Variants in NDST3 observed in about 807,000 individuals in gnomAD.
NDST3 encodes the protein N-deacetylase and N-sulfotransferase 3, also known as bifunctional heparan sulfate N-deacetylase/N-sulfotransferase 3.
NDST3 carries 58 observed loss-of-function variants against 96.1 expected under a neutral mutation model. The ratio of observed to expected loss-of-function variants is 0.60; its 90% confidence interval spans 0.49 to 0.75. The LOEUF (loss-of-function observed/expected upper bound fraction) is 0.75, where lower values mean the gene tolerates loss of function less well. Ranked by LOEUF, NDST3 falls within the 30% of genes least tolerant of loss-of-function variation. NDST3 has a pLI of 0.00. For synonymous variants in NDST3, 333 were observed against 359.7 expected, an observed-to-expected ratio of 0.93 and a Z score of 0.84; for missense variants, 788 against 1,034.2, an observed-to-expected ratio of 0.76 and a Z score of 3.27.
intron 2 of NDST3, among the ~76,000 whole-genome samples, chr4:118,067,556 T>G (rs1052180904): frequency 1.3e-5 from 2 of 152,126 alleles, no homozygotes; most frequent in African/African-American, 4.8e-5. Context: ...TAATTAGTAC[T>G]CAGTCACCAT....
chr4:118,197,956 C>G (rs763201132), intron 6 of NDST3, among the ~76,000 whole-genome samples: 4 of 151,808 alleles, frequency 2.6e-5, no homozygotes, highest in African/African-American at 9.7e-5. Flanking sequence ...CACACCACCA[C>G]GCCCAGCTAA....
At chr4:118,209,826 T>C (rs563531777) in intron 6 of NDST3, among the ~76,000 whole-genome samples, 4 of 152,298 alleles carry the variant, frequency 2.6e-5, no homozygotes, top group African/African-American at 9.6e-5. Context: ...TATTCTGCAA[T>C]TGAGCTTTCC....
intron 12 of NDST3, among the ~76,000 whole-genome samples, chr4:118,244,496 T>A (rs990397846): frequency 6.6e-6 from 1 of 152,180 alleles, no homozygotes; most frequent in Non-Finnish European, 1.5e-5. Context: ...TTAAAATTTT[T>A]TTTTTCTCAT....
At chr4:118,117,329 T>C (rs1003226341) in intron 4 of NDST3, among the ~76,000 whole-genome samples, 1 of 152,038 alleles carries the variant, frequency 6.6e-6, no homozygotes. Flanking sequence ...TATCATTATA[T>C]CTAGTATCAC....
intron 6 of NDST3, among the ~76,000 whole-genome samples, chr4:118,170,410 T>C (rs1735857570): frequency 1.3e-5 from 2 of 152,018 alleles, no homozygotes; most frequent in African/African-American, 4.8e-5. Context: ...TTCAGCAAAA[T>C]AAAAAATAAA....
chr4:118,129,360 T>G (rs1328229854), intron 4 of NDST3, among the ~76,000 whole-genome samples: 1 of 152,044 alleles, frequency 6.6e-6, no homozygotes, highest in Non-Finnish European at 1.5e-5. Flanking sequence ...TTTTGCTGTA[T>G]CCCATAGGTT....
At chr4:118,146,754 A>G (rs1049636928) in intron 6 of NDST3, among the ~76,000 whole-genome samples, 1 of 152,148 alleles carries the variant, frequency 6.6e-6, no homozygotes. Flanking sequence ...GGCCTGGACA[A>G]CTCTCACGTA....
At chr4:118,098,650 A>G (rs947874225) in intron 2 of NDST3, among the ~76,000 whole-genome samples, 9 of 152,088 alleles carry the variant, frequency 5.9e-5, no homozygotes, top group Non-Finnish European at 1.2e-4. Context: ...AGATTGCTCT[A>G]TAACTCTTTT....
chr4:118,084,565 C>A (rs1190617656), intron 2 of NDST3, among the ~76,000 whole-genome samples: 1 of 152,114 alleles, frequency 6.6e-6, no homozygotes, highest in Non-Finnish European at 1.5e-5. Context: ...GAAATGCAAG[C>A]ATGACCTCTG....
chr4:118,154,857 A>C (rs889590744), intron 6 of NDST3, among the ~76,000 whole-genome samples: 1 of 152,150 alleles, frequency 6.6e-6, no homozygotes, highest in African/African-American at 2.4e-5. Context: ...CCTTCTTAAT[A>C]TGAGTCAGTG....
At chr4:118,191,321 G>A (rs1255309256) in intron 6 of NDST3, among the ~76,000 whole-genome samples, 2 of 152,148 alleles carry the variant, frequency 1.3e-5, no homozygotes, top group African/African-American at 4.8e-5. Flanking sequence ...ATGTACATAG[G>A]CAGACATCTT....
At chr4:118,184,516 T>C (rs1736801955) in intron 6 of NDST3, among the ~76,000 whole-genome samples, 1 of 151,864 alleles carries the variant, frequency 6.6e-6, no homozygotes, top group Non-Finnish European at 1.5e-5. Flanking sequence ...CAAGTCTCTA[T>C]AGTCACAAGC....
At chr4:118,201,903 A>G (rs760144962) in intron 6 of NDST3, among the ~76,000 whole-genome samples, 14 of 152,122 alleles carry the variant, frequency 9.2e-5, no homozygotes, top group Non-Finnish European at 2.1e-4. Flanking sequence ...GTCTTCCAGG[A>G]TCTTTACAGT....
At chr4:118,190,193 A>C (rs1737218062) in intron 6 of NDST3, among the ~76,000 whole-genome samples, 1 of 151,990 alleles carries the variant, frequency 6.6e-6, no homozygotes, top group African/African-American at 2.4e-5. Context: ...TATAGTGAAA[A>C]CTCTGAAAGT....
At chr4:118,121,165 T>C (rs1055998491) in intron 4 of NDST3, among the ~76,000 whole-genome samples, 7 of 152,194 alleles carry the variant, frequency 4.6e-5, no homozygotes, top group African/African-American at 1.4e-4. Context: ...TTCCTAGCTT[T>C]GTGTAATCCC....
intron 6 of NDST3, chr4:118,193,596 AC>A: frequency 4.2e-6 from 5 of 1,196,070 alleles, no homozygotes; most frequent in Non-Finnish European, 6.2e-6. Context: ...TGCTGCTGGC[AC>A]ACAGCCAGCT....
intron 2 of NDST3, among the ~76,000 whole-genome samples, chr4:118,069,767 G>A (rs1026282185): frequency 6.6e-6 from 1 of 151,596 alleles, no homozygotes; most frequent in African/African-American, 2.4e-5. Context: ...CCCCTTTTGA[G>A]AATTGTTTCT....
intron 6 of NDST3, among the ~76,000 whole-genome samples, chr4:118,197,974 A>G (rs1290719259): frequency 6.6e-6 from 1 of 151,282 alleles, no homozygotes; most frequent in African/African-American, 2.4e-5. Flanking sequence ...TAATTTTTGT[A>G]TTTTTAGTAG....
intron 3 of NDST3, among the ~76,000 whole-genome samples, chr4:118,108,936 T>A (rs1730422691): frequency 6.6e-6 from 1 of 152,224 alleles, no homozygotes; most frequent in African/African-American, 2.4e-5. Context: ...TATGATTCAT[T>A]GAGTTGGTTC....
Sources: gnomAD v4.1 joint callset for allele counts (sites outside exome capture counted in the v4.1 genomes callset) on GRCh38, gnomAD v4.1.1 for gene constraint, MANE v1.5 for transcripts, NCBI Gene and HGNC (gene_info 2026-07-23, HGNC 2026-07-21) for gene names.